The following RRM2B variants were observed in gnomAD, a reference collection of about 807,000 sequenced individuals.
RRM2B encodes ribonucleotide reductase regulatory TP53 inducible subunit M2B.
Under a neutral mutation model 45.9 loss-of-function variants are expected in RRM2B, and 20 were observed. The observed-to-expected ratio is 0.44, with a 90% CI of 0.31 to 0.63. The LOEUF (loss-of-function observed/expected upper bound fraction) is 0.63, where lower values mean the gene tolerates loss of function less well. Among genes scored for constraint, RRM2B ranks in the 30% least tolerant of loss-of-function variants. The probability of loss-of-function intolerance (pLI) is 0.09; values close to 1 mark genes in which losing one functional copy is unlikely to be tolerated. For synonymous variants in RRM2B, 124 were observed against 132.3 expected, an observed-to-expected ratio of 0.94 and a Z score of 0.43; for missense variants, 320 against 414.7, an observed-to-expected ratio of 0.77 and a Z score of 1.98.
At chr8:102,220,653 G>C (rs1480142289) in intron 5 of RRM2B, among the ~76,000 whole-genome samples, 3 of 152,136 alleles carry the variant, frequency 2.0e-5, no homozygotes, top group Non-Finnish European at 4.4e-5. Context: ...GCCCTGGCTG[G>C]TTTGAACTTC....
In RRM2B at chr8:102,232,288, G is replaced by C. The variant is rs1192614821; in HGVS notation, c.65C>G (p.Thr22Ser). 7 of 1,614,088 alleles carry C rather than the reference G, an allele frequency of 4.3e-6. No homozygotes were observed. The highest frequency in any genetic ancestry group is 5.9e-6 in the Non-Finnish European group (7 of 1,179,968). ...LDQDERSSSD[T>S]NESEIKSNEE... ...ATTTGACTTTATTTCACTTTCGTTGGTGTCTGAAGATGATCTCTTTGAAAA... is the reference window on the plus strand; with the variant it reads ...ATTTGACTTTATTTCACTTTCGTTGCTGTCTGAAGATGATCTCTTTGAAAA... The change falls in exon 2 of 9, where the codon ACC (threonine) becomes AGC (serine). Residue 22 changes from threonine (T) to serine (S), a missense_variant. Thr to Ser is a moderately conservative substitution (Grantham distance 58). Transcript: ENST00000251810.
At chr8:102,234,775 A>G (rs2132565187) in intron 1 of RRM2B, 1 of 153,920 alleles carries the variant, frequency 6.5e-6, no homozygotes, top group South Asian at 2.0e-4. Flanking sequence ...ACTTGAACCC[A>G]GAAGGCAGAG....
chr8:102,219,091 T>A, intron 5 of RRM2B, 144 bp from the exon 6 acceptor site: 1 of 846,322 alleles, frequency 1.2e-6, no homozygotes, highest in Non-Finnish European at 1.9e-6. Context: ...AAGATCTCCA[T>A]AGGAGAAAAT....
chr8:102,236,611 C>T (rs1811124634), intron 1 of RRM2B, among the ~76,000 whole-genome samples: 1 of 152,096 alleles, frequency 6.6e-6, no homozygotes, highest in Non-Finnish European at 1.5e-5. Context: ...GTCAGTGACA[C>T]TGAGGCACTG....
At chr8:102,226,420 CTAAT>C (rs1047402508) in intron 2 of RRM2B, among the ~76,000 whole-genome samples, 1 of 150,632 alleles carries the variant, frequency 6.6e-6, no homozygotes, top group South Asian at 2.1e-4. Context: ...AATTTTCTGG[CTAAT>C]TAAGAAGCTG....
In RRM2B at chr8:102,237,354, G is replaced by T. The variant is rs190369449; in HGVS notation, c.48+1473C>A. Among the ~76,000 whole-genome samples, 775 of 152,248 alleles carry T rather than the reference G, an allele frequency of 5.1e-3. 4 individuals carry two copies. The highest frequency in any genetic ancestry group is 0.017 in the African/African-American group (700 of 41,532). On this transcript the variant is annotated intron_variant, in intron 1 of 8. Coordinates refer to ENST00000251810, the MANE Select transcript of RRM2B (RefSeq NM_015713.5). ...TATGGACCCTTTAAGACAGTGGGGG[G>T]TTTTTTGTTTTTGTTTTAATATGTG...
rs565825950 is a variant in RRM2B at position 102,214,770 on chromosome 8, T to A, written c.685-612A>T. 2.3e-4 allele frequency among the ~76,000 whole-genome samples: 29 copies of A among 127,786 alleles called. No individual in the cohort carries two copies. In the South Asian group the frequency reaches 3.2e-3, roughly 14 times the overall value. 83.8% of individuals were successfully genotyped at this position (127,786 alleles called of 152,430 possible). On this transcript the variant is annotated intron_variant, in intron 6 of 8. Transcript: ENST00000251810. ...AATCTCTACAAAAAAAAATAAAAAA[T>A]AAATAAATAAATAAATAAATAGAAG... is the stretch of plus-strand genomic sequence containing the variant.
chr8:102,238,674 C>A lies in RRM2B; in HGVS notation c.48+153G>T, dbSNP rs763178465. 6 of 1,541,810 alleles carry A rather than the reference C, an allele frequency of 3.9e-6. No homozygotes were observed. The African/African-American group carries it at 8.2e-5, about 21-fold the overall frequency. On this transcript the variant is annotated intron_variant, in intron 1 of 8. Coordinates refer to ENST00000251810, the MANE Select transcript of RRM2B (RefSeq NM_015713.5). ...CCCTCCCCGGGGACGGCCTCCCCGG[C>A]GCTCGCAACGACGAAGCCAGGCTGC...
chr8:102,215,481 T>G (rs1810713832), intron 6 of RRM2B, among the ~76,000 whole-genome samples: 1 of 151,744 alleles, frequency 6.6e-6, no homozygotes, highest in South Asian at 2.1e-4. Context: ...AACTGACAGG[T>G]AACTTATTAC....
intron 1 of RRM2B, among the ~76,000 whole-genome samples, chr8:102,235,888 C>T (rs1464031937): frequency 6.6e-6 from 1 of 152,076 alleles, no homozygotes; most frequent in African/African-American, 2.4e-5. Flanking sequence ...TCAAGATGTC[C>T]AGTAAGCAGT....
chr8:102,220,943 A>T (rs1810824843), intron 5 of RRM2B, among the ~76,000 whole-genome samples: 2 of 152,190 alleles, frequency 1.3e-5, no homozygotes, highest in South Asian at 4.1e-4. Flanking sequence ...AGGCCTCATG[A>T]TTCATTTTAG....
chr8:102,237,492 A>T (rs1811141069), intron 1 of RRM2B, among the ~76,000 whole-genome samples: 1 of 152,166 alleles, frequency 6.6e-6, no homozygotes, highest in South Asian at 2.1e-4. Context: ...ACTCCAAGTG[A>T]CTCTGATGCA....
chr8:102,218,946 C>T lies in RRM2B; in HGVS notation c.552G>A (p.Gly184=). ...RWIADRKSTF[G]ERVVAFAAVE... is the part of the protein sequence containing the mutation. ...CAGCAGCAAAGGCCACCACTCTTTC[C>T]CCTGGGAGACATAAAATCGTTTCAA... Residue 184 remains glycine (G), a splice_region_variant and synonymous_variant, in exon 6 of 9, where the codon GGG becomes GGA. Coordinates refer to ENST00000251810, the MANE Select transcript of RRM2B (RefSeq NM_015713.5). 1 of 1,613,166 alleles carries T rather than the reference C, an allele frequency of 6.2e-7. No individual in the cohort carries two copies. Among genetic ancestry groups the T allele is most frequent in the Non-Finnish European group, 8.5e-7 (1 of 1,179,326 alleles).
intron 2 of RRM2B, among the ~76,000 whole-genome samples, chr8:102,231,556 A>C (rs1301744015): frequency 6.6e-6 from 1 of 152,184 alleles, no homozygotes; most frequent in Non-Finnish European, 1.5e-5. Context: ...TGGCCATATC[A>C]AACTAAAAGT....
At chr8:102,215,065 A>G (rs959081388) in intron 6 of RRM2B, among the ~76,000 whole-genome samples, 18 of 150,094 alleles carry the variant, frequency 1.2e-4, no homozygotes, top group African/African-American at 2.7e-4. Context: ...AAAAAAAAAA[A>G]AAAGAAAATT....
At chr8:102,213,041 C>T (rs1344682078) in intron 7 of RRM2B, 152 bp from the exon 8 acceptor site, 7 of 634,698 alleles carry the variant, frequency 1.1e-5, no homozygotes, top group South Asian at 3.6e-5. Flanking sequence ...AAATGATGTC[C>T]GTATATTTAA....
At chr8:102,226,282 G>A (rs575298753) in intron 2 of RRM2B, among the ~76,000 whole-genome samples, 3 of 150,502 alleles carry the variant, frequency 2.0e-5, no homozygotes, top group South Asian at 4.2e-4. Flanking sequence ...AACTATGTGA[G>A]GCAAAGGAAA....
chr8:102,226,515 G>C (rs1209033251), intron 2 of RRM2B, among the ~76,000 whole-genome samples: 3 of 151,570 alleles, frequency 2.0e-5, no homozygotes, highest in Admixed American at 6.6e-5. Context: ...AAAAGGGGAG[G>C]GGGGAGAGTA....
intron 8 of RRM2B, among the ~76,000 whole-genome samples, chr8:102,210,707 C>T (rs145980284): frequency 1.3e-5 from 2 of 152,116 alleles, no homozygotes; most frequent in African/African-American, 4.8e-5. Flanking sequence ...AGGTGATCCA[C>T]CTGCCTCAGC....
Sources: allele counts gnomAD v4.1 joint callset (sites outside exome capture counted in the v4.1 genomes callset), GRCh38; gene constraint gnomAD v4.1.1; transcripts MANE v1.5; gene names NCBI Gene and HGNC (gene_info 2026-07-23, HGNC 2026-07-21).